Variants in GPSM1 observed in about 807,000 individuals in gnomAD.
GPSM1 encodes G protein-signaling modulator 1.
GPSM1 carries 48 observed loss-of-function variants against 70.5 expected under a neutral mutation model. The ratio of observed to expected loss-of-function variants is 0.68; its 90% CI spans 0.54 to 0.87. The LOEUF is 0.87. Ranked by LOEUF, GPSM1 falls within the 40% of genes least tolerant of loss-of-function variation. The pLI is 0.00. For missense variants in GPSM1, 981 were observed against 972.6 expected (o/e 1.01, Z -0.11); for synonymous variants, 416 against 430.1 (o/e 0.97, Z 0.41).
chr9:136,332,960 G>A (rs373706863), intron 1 of GPSM1, among the ~76,000 whole-genome samples: 10 of 152,006 alleles, frequency 6.6e-5, no homozygotes, highest in Middle Eastern at 6.8e-3. Flanking sequence ...AGTGAGCCGA[G>A]ATCGCACCAC....
chr9:136,342,985 C>G lies in GPSM1; in HGVS notation c.1207+1992C>G, dbSNP rs955173465. 7.2e-5 allele frequency among the ~76,000 whole-genome samples: 11 copies of G among 152,136 alleles called. No homozygotes were observed. Among genetic ancestry groups the G allele is most frequent in the South Asian group, 2.1e-4 (1 of 4,814 alleles). ...GCAGAGGCTGGTGGGTTTGGTGTCC[C>G]GTTGATAAACACAAGGAGACTTACG... On this transcript the variant is annotated intron_variant, in intron 9 of 13. Transcript: ENST00000440944. The surrounding 1 kb of genome is among the most constrained non-coding windows in gnomAD (Gnocchi z 5.5).
rs1554768953 is a variant in GPSM1 at position 136,334,686 on chromosome 9, T to C, written c.290+18T>C. On this transcript the variant is annotated intron_variant, in intron 2 of 13. Transcript: ENST00000440944. ...CTGGCGCGGTGAGTGGGGACGGTCCTGCTGGCGGGTGAGTGGGGCGGCCCT... is the reference window on the plus strand; with the variant it reads ...CTGGCGCGGTGAGTGGGGACGGTCCCGCTGGCGGGTGAGTGGGGCGGCCCT... 3 of 1,594,602 alleles carry C rather than the reference T, an allele frequency of 1.9e-6. No individual in the cohort carries two copies. Among genetic ancestry groups the C allele is most frequent in the Non-Finnish European group, 2.6e-6 (3 of 1,168,480 alleles).
intron 11 of GPSM1, among the ~76,000 whole-genome samples, chr9:136,354,506 C>T (rs575136109): frequency 2.0e-5 from 3 of 152,388 alleles, no homozygotes; most frequent in Non-Finnish European, 4.4e-5. Flanking sequence ...AGCTGTGAGC[C>T]CAGCATTTGC....
At position 136,340,743 on chromosome 9, in the gene GPSM1, G is replaced by T; in HGVS notation, c.1084-127G>T. ...TCCTGGTTCCCTCAGAGGCCCAGGG[G>T]TCAGTGACCAGTTCAGGTCACTCAG... is the stretch of plus-strand genomic sequence containing the variant. On this transcript the variant is annotated intron_variant, in intron 8 of 13. Transcript: ENST00000440944. This position sits in a 1 kb window ranked among gnomAD's most constrained non-coding sequence, Gnocchi z 7.3. 2.3e-6 allele frequency: 3 copies of T among 1,306,950 alleles called. No homozygotes were observed. Among genetic ancestry groups the T allele is most frequent in the Admixed American group, 2.8e-5 (1 of 35,706 alleles). The allele number at this position is 1,306,950 out of a possible 1,614,324, so 81.0% of individuals were successfully genotyped here.
chr9:136,335,944 C>G, intron 2 of GPSM1, 22 bp from the exon 3 acceptor site: 1 of 1,610,370 alleles, frequency 6.2e-7, no homozygotes, highest in Non-Finnish European at 8.5e-7. Context: ...AGCCTGACCC[C>G]TCACTCCTCC....
intron 9 of GPSM1, among the ~76,000 whole-genome samples, chr9:136,344,756 T>C (rs1325300367): frequency 7.9e-5 from 12 of 152,040 alleles, no homozygotes; most frequent in African/African-American, 2.7e-4. Context: ...GCCAGCCTGG[T>C]AGGTGAAGGG....
At chr9:136,353,175 G>A in intron 11 of GPSM1, 2 of 910,984 alleles carry the variant, frequency 2.2e-6, no homozygotes, top group Non-Finnish European at 2.6e-6. Context: ...GGGTCCCTGG[G>A]GTCCTAACAG....
At chr9:136,353,165 G>A (rs1832718079) in intron 11 of GPSM1, 3 of 941,732 alleles carry the variant, frequency 3.2e-6, no homozygotes, top group Non-Finnish European at 3.8e-6. Flanking sequence ...CGTGAGTCTG[G>A]GGTCCCTGGG....
chr9:136,341,940 C>T lies in GPSM1; in HGVS notation c.1207+947C>T, dbSNP rs1347158614. ...TGCTGGGATTATAGGCGTGAGCCAC[C>T]GTGCCCAGCCATCCCCTGGGTTTTT... On this transcript the variant is annotated intron_variant, in intron 9 of 13. Coordinates refer to ENST00000440944, the MANE Select transcript of GPSM1 (RefSeq NM_001145638.3). This position sits in a 1 kb window ranked among gnomAD's most constrained non-coding sequence, Gnocchi z 6.7. The T allele has an allele frequency of 3.8e-6, 1 of 263,204 alleles. No homozygotes were observed. The allele number at this position is 263,204 out of a possible 1,614,324, so 16.3% of individuals were successfully genotyped here.
At position 136,341,571 on chromosome 9, in the gene GPSM1, T is replaced by G; in HGVS notation, c.1207+578T>G. The G allele has an allele frequency of 9.8e-7, 1 of 1,020,450 alleles. No individual in the cohort carries two copies. The highest frequency in any genetic ancestry group is 1.2e-6 in the Non-Finnish European group (1 of 851,290). 63.2% of individuals were successfully genotyped at this position (1,020,450 alleles called of 1,614,324 possible). On this transcript the variant is annotated intron_variant, in intron 9 of 13. Coordinates refer to ENST00000440944, the MANE Select transcript of GPSM1 (RefSeq NM_001145638.3). The surrounding 1 kb of genome is among the most constrained non-coding windows in gnomAD (Gnocchi z 6.7). ...AGACTAATAGGTGCCAGGGGGGTGG[T>G]GCCAGGTTGGGCCGACTTCCTGAGG...
At chr9:136,335,615 G>GC (rs1554769091) in intron 2 of GPSM1, among the ~76,000 whole-genome samples, 1 of 151,916 alleles carries the variant, frequency 6.6e-6, no homozygotes, top group African/African-American at 2.4e-5. Flanking sequence ...CCACCATCAG[G>GC]CCCCCCAAGT....
In GPSM1 at chr9:136,341,902, C is replaced by A; in HGVS notation, c.1207+909C>A. ...CCAGCCTCAAGCGATCCTCCCATCTCGGCTTCCAGAAGTGCTGGGATTATA... is the reference window on the plus strand; with the variant it reads ...CCAGCCTCAAGCGATCCTCCCATCTAGGCTTCCAGAAGTGCTGGGATTATA... On this transcript the variant is annotated intron_variant, in intron 9 of 13. Coordinates refer to ENST00000440944, the MANE Select transcript of GPSM1 (RefSeq NM_001145638.3). The surrounding 1 kb of genome is among the most constrained non-coding windows in gnomAD (Gnocchi z 6.7). 1.9e-6 allele frequency: 1 copy of A among 522,864 alleles called. No individual in the cohort carries two copies. Among genetic ancestry groups the A allele is most frequent in the Non-Finnish European group, 2.5e-6 (1 of 407,018 alleles). 32.4% of individuals were successfully genotyped at this position (522,864 alleles called of 1,614,324 possible). A position where few individuals can be genotyped will look rare whatever the true frequency, so the allele number is the denominator to read the frequency against.
At chr9:136,355,963 G>GAGCA in intron 12 of GPSM1, 117 bp downstream of exon 12, 1 of 844,700 alleles carries the variant, frequency 1.2e-6, no homozygotes, top group Non-Finnish European at 1.8e-6. Context: ...GCCAGCTGCA[G>GAGCA]AGCACCCTGT....
At position 136,341,815 on chromosome 9, in the gene GPSM1, A is replaced by C. The variant is rs747922076; in HGVS notation, c.1207+822A>C. The C allele has an allele frequency of 2.1e-6, 2 of 972,746 alleles. No homozygotes were observed. Among genetic ancestry groups the C allele is most frequent in the Non-Finnish European group, 2.4e-6 (2 of 818,550 alleles). 60.3% of individuals were successfully genotyped at this position (972,746 alleles called of 1,614,324 possible). A position where few individuals can be genotyped will look rare whatever the true frequency, so the allele number is the denominator to read the frequency against. Reference sequence around the variant, plus strand: ...AGTTTCTTTTTCTTATCTTATTTTTAATAATTAAATGTTTTTATAGAGATA... The same window carrying C: ...AGTTTCTTTTTCTTATCTTATTTTTCATAATTAAATGTTTTTATAGAGATA... On this transcript the variant is annotated intron_variant, in intron 9 of 13. Coordinates refer to ENST00000440944, the MANE Select transcript of GPSM1 (RefSeq NM_001145638.3). The surrounding 1 kb of genome is among the most constrained non-coding windows in gnomAD (Gnocchi z 6.7).
Position 136,343,353 on chromosome 9 carries a change from C to T in GPSM1, c.1207+2360C>T, listed in dbSNP as rs1038234723. On this transcript the variant is annotated intron_variant, in intron 9 of 13. Coordinates refer to ENST00000440944, the MANE Select transcript of GPSM1 (RefSeq NM_001145638.3). This position sits in a 1 kb window ranked among gnomAD's most constrained non-coding sequence, Gnocchi z 6.0. The stretch of plus-strand genomic sequence containing the variant: ...GATTGGCATGTTGGGAGGAGGGAGC[C>T]GGCCCTGAGCCCTGCAGGACCGCCC... Among the ~76,000 whole-genome samples the T allele has an allele frequency of 6.6e-6, 1 of 152,166 alleles. No homozygotes were observed.
At chr9:136,355,868 GCCCTC>G in intron 12 of GPSM1, 22 bp downstream of exon 12, 1 of 1,588,484 alleles carries the variant, frequency 6.3e-7, no homozygotes, top group Non-Finnish European at 8.6e-7. Flanking sequence ...CCTCAGCCGG[GCCCTC>G]CCTTGGGCTT....
chr9:136,353,396 G>C (rs565747276), intron 11 of GPSM1, among the ~76,000 whole-genome samples: 2 of 152,178 alleles, frequency 1.3e-5, no homozygotes, highest in Admixed American at 1.3e-4. Flanking sequence ...GGAACCCCGA[G>C]TCCCACTGGA....
chr9:136,338,804 T>C, intron 7 of GPSM1, 94 bp downstream of exon 7: 1 of 1,245,972 alleles, frequency 8.0e-7, no homozygotes, highest in East Asian at 2.6e-5. Context: ...CATCCCCTGC[T>C]CTGCCACTGA....
chr9:136,351,396 C>CCTGCCCTGTCCACAGCTGGGT (rs1441226121), intron 11 of GPSM1, among the ~76,000 whole-genome samples: 6 of 152,078 alleles, frequency 3.9e-5, no homozygotes, highest in African/African-American at 9.7e-5. Flanking sequence ...CACAGCTGGC[C>CCTGCCCTGTCCACAGCTGGGT]CTGCCCTGTC....
Sources: gnomAD v4.1 joint callset for allele counts (sites outside exome capture counted in the v4.1 genomes callset) on GRCh38, gnomAD v4.1.1 for gene constraint, Gnocchi (gnomAD v3.1) non-coding constraint, MANE v1.5 for transcripts, NCBI Gene and HGNC (gene_info 2026-07-23, HGNC 2026-07-21) for gene names.